Variants in NAV2 observed in about 807,000 individuals in gnomAD.
The protein encoded by NAV2 is helicase, APC down-regulated 1.
Under a neutral mutation model 223.2 loss-of-function variants are expected in NAV2, and 54 were observed. The ratio of observed to expected loss-of-function variants is 0.24; its 90% CI spans 0.19 to 0.30. The LOEUF is 0.30. Among genes scored for constraint, NAV2 ranks in the 10% least tolerant of loss-of-function variants. The pLI, the probability that NAV2 is intolerant of heterozygous loss-of-function variation, is 1.00. For missense variants in NAV2, 2,806 were observed against 3,147.5 expected (o/e 0.89, Z 2.60); for synonymous variants, 1,279 against 1,239.3 (o/e 1.03, Z -0.67).
At chr11:19,532,173 C>A (rs996893185) in intron 1 of NAV2, among the ~76,000 whole-genome samples, 1 of 151,774 alleles carries the variant, frequency 6.6e-6, no homozygotes, top group African/African-American at 2.4e-5. Flanking sequence ...AGTGAAAGAT[C>A]TTTTCTGGAA....
intron 1 of NAV2, among the ~76,000 whole-genome samples, chr11:19,434,094 G>T (rs1321347354): frequency 3.2e-5 from 4 of 123,890 alleles, no homozygotes; most frequent in African/African-American, 1.3e-4. Flanking sequence ...GATGAAAGGA[G>T]AGTGGAAAAT....
intron 1 of NAV2, among the ~76,000 whole-genome samples, chr11:19,452,056 G>A (rs79996842): frequency 0.026 from 3,897 of 151,860 alleles, 164 homozygotes; most frequent in African/African-American, 0.089. Flanking sequence ...CGTGGTTCAC[G>A]TCATTATCCT....
In NAV2 at chr11:20,048,952, C is replaced by T. The variant is rs745496755; in HGVS notation, c.4127C>T (p.Ser1376Leu). The change falls in exon 15 of 38, where the codon TCG (serine) becomes TTG (leucine). Residue 1376 changes from serine (S) to leucine (L), a missense_variant. Coordinates refer to ENST00000349880, the MANE Select transcript of NAV2 (RefSeq NM_145117.5). ...GCCTCCAGCCCCAGCTCAGCCCACT[C>T]GGCCCCTTCCAACAGCCTCACCTGG... ...PLASSPSSAH[S>L]APSNSLTWGT... The T allele has an allele frequency of 3.7e-6, 6 of 1,614,050 alleles. No individual in the cohort carries two copies. The highest frequency in any genetic ancestry group is 2.2e-5 in the South Asian group (2 of 91,084).
intron 16 of NAV2, 65 bp downstream of exon 16, chr11:20,049,966 C>A: frequency 1.3e-6 from 2 of 1,509,862 alleles, no homozygotes; most frequent in African/African-American, 1.4e-5. Flanking sequence ...CGTTGTCAAG[C>A]CAGATGTCTT....
At chr11:19,678,092 G>A (rs761597061) in intron 1 of NAV2, among the ~76,000 whole-genome samples, 24 of 152,118 alleles carry the variant, frequency 1.6e-4, no homozygotes, top group Non-Finnish European at 1.3e-4. Flanking sequence ...TAGGAGCGAG[G>A]GGATGCTGAC....
chr11:19,643,587 C>A (rs146166591), intron 1 of NAV2, among the ~76,000 whole-genome samples: 29 of 152,188 alleles, frequency 1.9e-4, no homozygotes, highest in African/African-American at 7.0e-4. Context: ...GGGTTGGTTC[C>A]AAGTCTTTGT....
chr11:19,440,012 C>T (rs1391961680), intron 1 of NAV2, among the ~76,000 whole-genome samples: 1 of 152,180 alleles, frequency 6.6e-6, no homozygotes, highest in Non-Finnish European at 1.5e-5. Context: ...CAGCAAAACG[C>T]CCATGTATTT....
rs760160782 is a variant in NAV2 at position 19,892,484 on chromosome 11, C to T, written c.821C>T (p.Thr274Ile). 1.9e-6 allele frequency: 3 copies of T among 1,614,154 alleles called. No homozygotes were observed. Among genetic ancestry groups the T allele is most frequent in the Middle Eastern group, 1.7e-4 (1 of 6,060 alleles). ...RVSAAGSEAK[T>I]RGGSTTANNR... ...TCCGCTGCAGGCAGCGAGGCCAAAACACGCGGAGGGTCAACTACTGCTAAC... is the reference window on the plus strand; with the variant it reads ...TCCGCTGCAGGCAGCGAGGCCAAAATACGCGGAGGGTCAACTACTGCTAAC... Residue 274 changes from threonine to isoleucine, a missense_variant, in exon 6 of 38, where the codon ACA becomes ATA. By Grantham distance (89) the Thr-to-Ile change is moderately conservative. This residue lies in a region of NAV2 where 1,167 missense variants were observed against 1,180.5 expected (regional missense o/e 0.99). Transcript: ENST00000349880.
At chr11:20,117,162 A>C (rs1225798710) in intron 37 of NAV2, among the ~76,000 whole-genome samples, 3 of 152,152 alleles carry the variant, frequency 2.0e-5, no homozygotes, top group Non-Finnish European at 4.4e-5. Context: ...CTTACTTCCT[A>C]TATGAAATAT....
At chr11:19,730,702 C>T (rs914595597) in intron 1 of NAV2, among the ~76,000 whole-genome samples, 10 of 152,206 alleles carry the variant, frequency 6.6e-5, no homozygotes, top group African/African-American at 2.4e-5. Flanking sequence ...TTCCTCCTCC[C>T]GGCCTGGCAC....
intron 1 of NAV2, among the ~76,000 whole-genome samples, chr11:19,775,116 G>A (rs1359651295): frequency 6.6e-6 from 1 of 152,034 alleles, no homozygotes; most frequent in Non-Finnish European, 1.5e-5. Flanking sequence ...CTTGTGTTTT[G>A]CTCTCTTAGC....
At chr11:19,680,951 T>C (rs2048865973) in intron 1 of NAV2, among the ~76,000 whole-genome samples, 1 of 152,260 alleles carries the variant, frequency 6.6e-6, no homozygotes, top group Non-Finnish European at 1.5e-5. Flanking sequence ...TTAGTTCTAT[T>C]ATGAATAGCC....
chr11:19,404,154 C>T (rs555424555), intron 1 of NAV2, among the ~76,000 whole-genome samples: 34 of 152,242 alleles, frequency 2.2e-4, no homozygotes, highest in South Asian at 1.0e-3. Flanking sequence ...CCCAATTGCT[C>T]GGGGCCCTGG....
chr11:19,625,151 A>G (rs2047128627), intron 1 of NAV2, among the ~76,000 whole-genome samples: 1 of 152,210 alleles, frequency 6.6e-6, no homozygotes. Flanking sequence ...GGTATAGAAC[A>G]CTAGACTTTA....
intron 1 of NAV2, among the ~76,000 whole-genome samples, chr11:19,398,817 C>G (rs1849569953): frequency 6.6e-6 from 1 of 152,214 alleles, no homozygotes; most frequent in Non-Finnish European, 1.5e-5. Flanking sequence ...CCCTCCTTCC[C>G]CCCACAGACA....
intron 1 of NAV2, among the ~76,000 whole-genome samples, chr11:19,722,576 G>A (rs1351778512): frequency 1.3e-5 from 2 of 152,174 alleles, no homozygotes; most frequent in African/African-American, 4.8e-5. Context: ...TATTTTGCTG[G>A]ACCATGACTT....
At chr11:19,600,886 T>C (rs913470820) in intron 1 of NAV2, among the ~76,000 whole-genome samples, 1 of 152,236 alleles carries the variant, frequency 6.6e-6, no homozygotes, top group Non-Finnish European at 1.5e-5. Flanking sequence ...AGATCTTAAC[T>C]CAGGCTTTCT....
chr11:19,556,305 A>G (rs1348668684), intron 1 of NAV2, among the ~76,000 whole-genome samples: 1 of 152,256 alleles, frequency 6.6e-6, no homozygotes, highest in Non-Finnish European at 1.5e-5. Flanking sequence ...TCATGCCACC[A>G]TTAAAAATTA....
At chr11:19,741,207 A>T (rs1047497668) in intron 1 of NAV2, among the ~76,000 whole-genome samples, 2 of 152,230 alleles carry the variant, frequency 1.3e-5, no homozygotes, top group Non-Finnish European at 2.9e-5. Flanking sequence ...TAGTGAAATG[A>T]TTACTACAGG....
Sources: allele counts gnomAD v4.1 joint callset (sites outside exome capture counted in the v4.1 genomes callset), GRCh38; gene constraint gnomAD v4.1.1; regional missense constraint gnomAD v4.1.1; transcripts MANE v1.5; gene names NCBI Gene and HGNC (gene_info 2026-07-23, HGNC 2026-07-21).